PRSS23: variants seen among roughly 807,000 people sequenced by gnomAD.
PRSS23 encodes the protein serine protease 23.
Under a neutral mutation model 34.7 loss-of-function variants are expected in PRSS23, and 25 were observed. The observed-to-expected ratio is 0.72, with a 90% CI of 0.53 to 1.01. The LOEUF is 1.01. PRSS23 is among the 50% of genes least tolerant of loss of function. The probability of loss-of-function intolerance (pLI) is 0.00; values close to 1 mark genes in which losing one functional copy is unlikely to be tolerated. For synonymous variants in PRSS23, 176 were observed against 186.6 expected, an observed-to-expected ratio of 0.94 and a Z score of 0.46; for missense variants, 445 against 475.6, an observed-to-expected ratio of 0.94 and a Z score of 0.60.
upstream of PRSS23, among the ~76,000 whole-genome samples, chr11:86,798,569 G>A (rs1421859369): frequency 6.6e-6 from 1 of 152,214 alleles, no homozygotes; most frequent in African/African-American, 2.4e-5. Flanking sequence ...ACCATGCAAT[G>A]CTGATAGTAG....
At chr11:86,897,267 T>A (rs985306293) in intron 2 of PRSS23, among the ~76,000 whole-genome samples, 4 of 152,224 alleles carry the variant, frequency 2.6e-5, no homozygotes, top group Admixed American at 6.5e-5. Context: ...GTGCTTTTTT[T>A]ATTTTAAATT....
At chr11:86,835,396 A>G (rs1227151493) in intron 2 of PRSS23, among the ~76,000 whole-genome samples, 1 of 152,234 alleles carries the variant, frequency 6.6e-6, no homozygotes, top group Non-Finnish European at 1.5e-5. Flanking sequence ...AAGGACTCCT[A>G]GAGCTATTCC....
At position 86,901,296 on chromosome 11, in the gene PRSS23, A is replaced by G. The variant is rs558911962; in HGVS notation, c.207-49920A>G. On this transcript the variant is annotated intron_variant, in intron 2 of 2. Coordinates refer to the PRSS23 transcript ENST00000533902. ...ACCTATTTTATCTACATTATATACC[A>G]AGAACCGAAAACAGCTCTTGTCCCA... Among the ~76,000 whole-genome samples the G allele has an allele frequency of 2.6e-5, 4 of 152,264 alleles. No individual in the cohort carries two copies. The South Asian group carries it at 8.3e-4, about 32-fold the overall frequency.
At chr11:86,917,035 T>C (rs1949017463) in intron 2 of PRSS23, among the ~76,000 whole-genome samples, 1 of 152,230 alleles carries the variant, frequency 6.6e-6, no homozygotes, top group African/African-American at 2.4e-5. Flanking sequence ...ATTAAATTTG[T>C]GGAGCCGGGC....
intron 2 of PRSS23, among the ~76,000 whole-genome samples, chr11:86,904,053 T>C (rs531560051): frequency 2.6e-5 from 4 of 152,250 alleles, no homozygotes; most frequent in African/African-American, 9.6e-5. Flanking sequence ...ACCTTCTCAC[T>C]ATGGCTGGAA....
At chr11:86,883,250 AG>A (rs34417451) in intron 2 of PRSS23, among the ~76,000 whole-genome samples, 2 of 152,242 alleles carry the variant, frequency 1.3e-5, no homozygotes, top group African/African-American at 4.8e-5. Context: ...ACCATACTAC[AG>A]GGATACAGTA....
At chr11:86,849,358 A>C (rs928392814) in intron 2 of PRSS23, among the ~76,000 whole-genome samples, 2 of 152,234 alleles carry the variant, frequency 1.3e-5, no homozygotes, top group African/African-American at 4.8e-5. Context: ...GGAGAGACAT[A>C]TTAGACAAAG....
intron 2 of PRSS23, among the ~76,000 whole-genome samples, chr11:86,843,045 A>G (rs1262281774): frequency 6.6e-6 from 1 of 152,198 alleles, no homozygotes; most frequent in African/African-American, 2.4e-5. Flanking sequence ...AGTAACCAAA[A>G]CAGCATGGTA....
chr11:86,934,051 G>A (rs1014351019), intron 2 of PRSS23: 1 of 152,178 alleles, frequency 6.6e-6, no homozygotes, highest in African/African-American at 2.4e-5. Context: ...GTGTTTGCTT[G>A]TGTCACACTC....
intron 2 of PRSS23, chr11:86,857,104 G>T (rs1299609137): frequency 2.8e-5 from 8 of 284,152 alleles, no homozygotes; most frequent in Non-Finnish European, 4.6e-5. Context: ...CCTCCACAGG[G>T]CACTATGAAT....
intron 2 of PRSS23, among the ~76,000 whole-genome samples, chr11:86,870,815 T>C (rs749360343): frequency 5.9e-5 from 9 of 152,242 alleles, no homozygotes; most frequent in Non-Finnish European, 8.8e-5. Context: ...ATTTCCAGTC[T>C]TGTATTTTTC....
At chr11:86,891,472 C>A (rs927661076) in intron 2 of PRSS23, among the ~76,000 whole-genome samples, 3 of 152,158 alleles carry the variant, frequency 2.0e-5, no homozygotes, top group Admixed American at 1.3e-4. Flanking sequence ...AAAGCTCCTC[C>A]AGGCTGAGGA....
rs1212658424 is a variant in PRSS23 at position 86,928,674 on chromosome 11, CAAAAAAAAAAAAAAAAA to C, written c.207-22526_207-22510del. Among the ~76,000 whole-genome samples the C allele has an allele frequency of 5.9e-4, 8 of 13,566 alleles. 1 individual carries two copies. The highest frequency in any genetic ancestry group is 7.8e-4 in the Non-Finnish European group (6 of 7,654). The allele number at this position is 13,566 out of a possible 152,430, so 8.9% of individuals were successfully genotyped here. Reference sequence around the variant, plus strand: ...TGGGCGACAAAGCAAGACTCTGTCTCAAAAAAAAAAAAAAAAAAAAAAAAAAAAAAAATTGGCAAGAC... The same window carrying C: ...TGGGCGACAAAGCAAGACTCTGTCTCAAAAAAAAAAAAAAATTGGCAAGAC... On this transcript the variant is annotated intron_variant, in intron 2 of 2. Coordinates refer to the PRSS23 transcript ENST00000533902.
intron 2 of PRSS23, among the ~76,000 whole-genome samples, chr11:86,834,294 A>G (rs999302845): frequency 2.6e-5 from 4 of 152,162 alleles, no homozygotes; most frequent in Non-Finnish European, 4.4e-5. Context: ...GCTGCAGGCA[A>G]AAGTATTTTT....
intron 2 of PRSS23, among the ~76,000 whole-genome samples, chr11:86,825,307 G>A (rs1172721931): frequency 5.3e-5 from 8 of 152,126 alleles, no homozygotes; most frequent in East Asian, 1.9e-4. Context: ...CATGTCCTTG[G>A]CCCACTTTTT....
In PRSS23 at chr11:86,879,063, T is replaced by C. The variant is rs1355736498; in HGVS notation, c.206+55470T>C. On this transcript the variant is annotated intron_variant, in intron 2 of 2. Coordinates refer to the PRSS23 transcript ENST00000533902. ...CATCCCGTCTAGGAAGTGAGGAGCG[T>C]CTCTGCCCGGCCGCCATCCCGTCTA... Among the ~76,000 whole-genome samples the C allele has an allele frequency of 3.4e-3, 362 of 107,032 alleles. 6 individuals carry two copies. The highest frequency in any genetic ancestry group is 5.5e-3 in the Non-Finnish European group (284 of 51,402). 70.2% of individuals were successfully genotyped at this position (107,032 alleles called of 152,430 possible).
At chr11:86,858,980 CAAG>C (rs1165893994) in intron 2 of PRSS23, among the ~76,000 whole-genome samples, 1 of 151,152 alleles carries the variant, frequency 6.6e-6, no homozygotes, top group African/African-American at 2.4e-5. Flanking sequence ...TCCTAATATC[CAAG>C]GAGGGAGAGG....
intron 2 of PRSS23, among the ~76,000 whole-genome samples, chr11:86,827,498 TTCTGC>T (rs1948311969): frequency 6.6e-6 from 1 of 152,248 alleles, no homozygotes; most frequent in Admixed American, 6.5e-5. Flanking sequence ...TTTCCTTCAA[TTCTGC>T]TCTGATTTTA....
Position 86,951,233 on chromosome 11 carries a change from G to A in PRSS23, c.224G>A (p.Gly75Glu), listed in dbSNP as rs745745495. 11 of 1,613,798 alleles carry A rather than the reference G, an allele frequency of 6.8e-6. No individual in the cohort carries two copies. Among genetic ancestry groups the A allele is most frequent in the African/African-American group, 1.3e-5 (1 of 74,830 alleles). ...CTTTCCAGAATTCACCAATCTGTTG[G>A]AACACTTCTGCCACGTGTGAAGAGT... Residue 75 changes from glycine (G) to glutamate (E), a missense_variant, in exon 3 of 3, where the codon GGA (glycine) becomes GAA (glutamate). Coordinates refer to the PRSS23 transcript ENST00000533902.
Sources: allele counts gnomAD v4.1 joint callset (sites outside exome capture counted in the v4.1 genomes callset), GRCh38; gene constraint gnomAD v4.1.1; transcripts MANE v1.5; gene names NCBI Gene and HGNC (gene_info 2026-07-23, HGNC 2026-07-21).